ZDHHC15: variants seen among roughly 807,000 people sequenced by gnomAD.
ZDHHC15 encodes palmitoyltransferase ZDHHC15.
ZDHHC15 carries 19 observed loss-of-function variants against 31.7 expected under a neutral mutation model. That is an observed-to-expected ratio of 0.60 (90% CI 0.42 to 0.88). ZDHHC15 has a LOEUF of 0.88. ZDHHC15 is among the 40% of genes least tolerant of loss of function. The pLI is 0.00. For missense variants in ZDHHC15, 209 were observed against 251.2 expected, an observed-to-expected ratio of 0.83 and a Z score of 1.14; for synonymous variants, 103 against 90.0, an observed-to-expected ratio of 1.14 and a Z score of -0.82.
chrX:75,516,839 T>C (rs895571209), intron 1 of ZDHHC15, among the ~76,000 whole-genome samples: 2 of 112,099 alleles, frequency 1.8e-5, no homozygotes, highest in Admixed American at 1.9e-4. Flanking sequence ...TCTACACATC[T>C]GACAAAGGGC....
In ZDHHC15 at chrX:75,417,203, G is replaced by T; in HGVS notation, c.864-13C>A. 1.8e-6 allele frequency: 2 copies of T among 1,125,054 alleles called. No individual in the cohort carries two copies. The highest frequency in any genetic ancestry group is 2.4e-4 in the Middle Eastern group (1 of 4,099). The allele number at this position is 1,125,054 out of a possible 1,213,427, so 92.7% of individuals were successfully genotyped here. ...TCCATCACCAGGGCTGATGGGAAAA[G>T]AAAGGCAGTGACCTATTGCAGCTGA... On this transcript the variant is annotated splice_polypyrimidine_tract_variant and intron_variant, in intron 9 of 11. Coordinates refer to ENST00000373367, the MANE Select transcript of ZDHHC15 (RefSeq NM_144969.3).
intron 3 of ZDHHC15, among the ~76,000 whole-genome samples, chrX:75,476,262 T>A (rs1432398947): frequency 1.8e-5 from 2 of 110,834 alleles, no homozygotes; most frequent in African/African-American, 3.3e-5. Context: ...TTTTTTTTTT[T>A]AAGAAATTTG....
chrX:75,469,701 T>C (rs2084471805), intron 3 of ZDHHC15, among the ~76,000 whole-genome samples: 1 of 111,900 alleles, frequency 8.9e-6, no homozygotes, highest in Non-Finnish European at 1.9e-5. Context: ...AGCCATCTCT[T>C]TGAGACCTTG....
chrX:75,429,252 C>G, intron 6 of ZDHHC15, 54 bp from the exon 7 acceptor site: 1 of 1,158,460 alleles, frequency 8.6e-7, no homozygotes, highest in African/African-American at 1.8e-5. Flanking sequence ...TGAGAGCACA[C>G]TGATACATAA....
rs777875140 is a variant in ZDHHC15, at chrX:75,491,792, C to T, written c.164-12807G>A. On this transcript the variant is annotated intron_variant, in intron 2 of 11. Coordinates refer to ENST00000373367, the MANE Select transcript of ZDHHC15 (RefSeq NM_144969.3). ...GCCCTAAAAGAGCTCCTGAAGGAAG[C>T]GCTAAACATGGAAAGGAATGATCAG... Among the ~76,000 whole-genome samples the T allele has an allele frequency of 1.3e-4, 14 of 110,888 alleles. No homozygotes were observed. The South Asian group carries it at 3.5e-3, about 28-fold the overall frequency.
Position 75,488,659 on chromosome X carries a change from C to T in ZDHHC15, c.164-9674G>A, listed in dbSNP as rs1005853118. ...ATAGGAACAGCTCCAGTCTACAGCT[C>T]CCAGCATGAGTGACACAGAGACGGG... On this transcript the variant is annotated intron_variant, in intron 2 of 11. Coordinates refer to ENST00000373367, the MANE Select transcript of ZDHHC15 (RefSeq NM_144969.3). Among the ~76,000 whole-genome samples, 3 of 112,251 alleles carry T rather than the reference C, an allele frequency of 2.7e-5. No individual in the cohort carries two copies. In the Admixed American group the frequency reaches 2.8e-4, roughly 11 times the overall value.
At chrX:75,476,728 C>A in intron 3 of ZDHHC15, among the ~76,000 whole-genome samples, 1 of 104,497 alleles carries the variant, frequency 9.6e-6, no homozygotes, top group Middle Eastern at 4.8e-3. Flanking sequence ...CTCCTCTCCT[C>A]CTCTTCCTCC....
chrX:75,451,982 A>G (rs1264320926), intron 3 of ZDHHC15, among the ~76,000 whole-genome samples: 1 of 111,391 alleles, frequency 9.0e-6, no homozygotes, highest in African/African-American at 3.3e-5. Flanking sequence ...ATTAATGGGC[A>G]AAATAACCAG....
chrX:75,402,368 C>G (rs1244638771), intron 10 of ZDHHC15, among the ~76,000 whole-genome samples: 1 of 110,287 alleles, frequency 9.1e-6, no homozygotes, highest in Non-Finnish European at 1.9e-5. Flanking sequence ...CAAATGCTAG[C>G]AGAAAATGAG....
chrX:75,495,932 TAA>T (rs1189278556), intron 2 of ZDHHC15, among the ~76,000 whole-genome samples: 1 of 95,156 alleles, frequency 1.1e-5, no homozygotes. Context: ...GAAGCATAAT[TAA>T]AAAAAAAAAA....
chrX:75,473,499 C>T (rs1017559511), intron 3 of ZDHHC15, among the ~76,000 whole-genome samples: 8 of 110,883 alleles, frequency 7.2e-5, no homozygotes, highest in East Asian at 5.7e-4. Flanking sequence ...GGAGACACAA[C>T]GATTCCATTA....
At chrX:75,452,475 A>G (rs1019868373) in intron 3 of ZDHHC15, among the ~76,000 whole-genome samples, 15 of 111,347 alleles carry the variant, frequency 1.3e-4, no homozygotes, top group African/African-American at 4.9e-4. Context: ...TATTAGACAG[A>G]TCAATGAGAC....
At chrX:75,384,865 T>TA (rs1203654915) in intron 10 of ZDHHC15, 171 of 502,245 alleles carry the variant, frequency 3.4e-4, no homozygotes, top group African/African-American at 6.3e-4. Flanking sequence ...ATCTGGGCTG[T>TA]AAAAAAAAAG....
intron 3 of ZDHHC15, among the ~76,000 whole-genome samples, chrX:75,460,083 C>G (rs774554628): frequency 4.5e-5 from 5 of 112,176 alleles, no homozygotes; most frequent in African/African-American, 1.6e-4. Flanking sequence ...CCATGTTGGT[C>G]AGGCTGGTCT....
At chrX:75,450,595 T>C (rs2084101460) in intron 4 of ZDHHC15, 2 of 736,256 alleles carry the variant, frequency 2.7e-6, no homozygotes, top group Admixed American at 3.7e-5. Context: ...AAGAATCCAG[T>C]TTGGGGTATA....
rs1029223838 is a variant in ZDHHC15, at chrX:75,372,596, T to C, written c.*382A>G. On this transcript the variant is annotated 3_prime_UTR_variant, in exon 12 of 12. Coordinates refer to ENST00000373367, the MANE Select transcript of ZDHHC15 (RefSeq NM_144969.3). ...CACCAAAAAGGCCCTATATATGTGATTAATAATCTTTGTGGGGGAATTAAA... is the reference window on the plus strand; with the variant it reads ...CACCAAAAAGGCCCTATATATGTGACTAATAATCTTTGTGGGGGAATTAAA... 2 of 111,505 alleles carry C rather than the reference T, an allele frequency of 1.8e-5. No individual in the cohort carries two copies. The highest frequency in any genetic ancestry group is 6.5e-5 in the African/African-American group (2 of 30,712). 9.2% of individuals were successfully genotyped at this position (111,505 alleles called of 1,213,427 possible).
At chrX:75,432,170 A>T (rs1346242811) in intron 4 of ZDHHC15, among the ~76,000 whole-genome samples, 2 of 111,493 alleles carry the variant, frequency 1.8e-5, no homozygotes, top group African/African-American at 3.3e-5. Flanking sequence ...GGATTCTAAT[A>T]TAAAAAAATC....
chrX:75,505,937 T>C lies in ZDHHC15; in HGVS notation c.137-90A>G, dbSNP rs779755967. 298 of 832,886 alleles carry C rather than the reference T, an allele frequency of 3.6e-4. No individual in the cohort carries two copies. The South Asian group carries it at 5.0e-3, about 14-fold the overall frequency. The allele number at this position is 832,886 out of a possible 1,213,427, so 68.6% of individuals were successfully genotyped here. ...AGAAATTAGTTATATTTAAAAAGTC[T>C]TGTCTAACTCATTTTCCACAGCATC... On this transcript the variant is annotated intron_variant, in intron 1 of 11. Transcript: ENST00000373367.
intron 3 of ZDHHC15, among the ~76,000 whole-genome samples, chrX:75,467,374 A>G (rs1211597441): frequency 9.0e-6 from 1 of 111,686 alleles, no homozygotes; most frequent in Non-Finnish European, 1.9e-5. Context: ...CTACTTAACA[A>G]ACTGGCTTTT....
Sources: allele counts gnomAD v4.1 joint callset (sites outside exome capture counted in the v4.1 genomes callset), GRCh38; gene constraint gnomAD v4.1.1; transcripts MANE v1.5; gene names NCBI Gene and HGNC (gene_info 2026-07-23, HGNC 2026-07-21).